The following CCDC88A variants were observed in gnomAD, a reference collection of about 807,000 sequenced individuals.
The protein encoded by CCDC88A is girdin.
In CCDC88A, 54 loss-of-function variants were observed where a neutral mutation model predicts 234.3. The observed-to-expected ratio is 0.23, with a 90% CI of 0.19 to 0.29. The LOEUF is 0.29. CCDC88A is among the 10% of genes least tolerant of loss of function. The pLI, the probability that CCDC88A is intolerant of heterozygous loss-of-function variation, is 1.00. For synonymous variants in CCDC88A, 753 were observed against 737.8 expected (o/e 1.02, Z -0.33); for missense variants, 1,832 against 2,123.4 (o/e 0.86, Z 2.70).
chr2:55,376,862 C>A (rs1163934340), intron 3 of CCDC88A, among the ~76,000 whole-genome samples: 1 of 152,088 alleles, frequency 6.6e-6, no homozygotes, highest in Non-Finnish European at 1.5e-5. Context: ...GACGGAGTCT[C>A]GCTCTGTCAC....
At chr2:55,299,505 C>T (rs985345986) in intron 29 of CCDC88A, among the ~76,000 whole-genome samples, 1 of 151,812 alleles carries the variant, frequency 6.6e-6, no homozygotes, top group Non-Finnish European at 1.5e-5. Flanking sequence ...AGTGTCCATG[C>T]GTCATAAGAA....
rs765431034 is a variant in CCDC88A, at chr2:55,344,472, T to C, written c.1084A>G (p.Met362Val). ...DNQVLLETKT[M>V]LEDQLEGTRA... is the part of the protein sequence containing the mutation. The stretch of plus-strand genomic sequence containing the variant: ...GTTCCCTCTAGTTGGTCTTCCAACA[T>C]GGTTTTTGTTTCTAATAAAACTTGA... Residue 362 changes from methionine to valine, a missense_variant, in exon 11 of 33, where the codon ATG (methionine) becomes GTG (valine). By Grantham distance (21) the Met-to-Val change is conservative. Transcript: ENST00000436346. The C allele has an allele frequency of 2.0e-5, 31 of 1,578,786 alleles. No homozygotes were observed. Among genetic ancestry groups the C allele is most frequent in the Non-Finnish European group, 2.7e-5 (31 of 1,156,918 alleles).
At chr2:55,349,734 TAA>T (rs34581861) in intron 8 of CCDC88A, 135 bp from the exon 9 acceptor site, 20 of 135,482 alleles carry the variant, frequency 1.5e-4, no homozygotes, top group Non-Finnish European at 2.2e-4. Context: ...ATCTAGAAGA[TAA>T]AAAAAAAAAG....
In CCDC88A at chr2:55,372,325, T is replaced by C. The variant is rs375546048; in HGVS notation, c.402+127A>G. 8 of 538,150 alleles carry C rather than the reference T, an allele frequency of 1.5e-5. No homozygotes were observed. The East Asian group carries it at 2.0e-4, about 14-fold the overall frequency. The allele number at this position is 538,150 out of a possible 1,614,324, so 33.3% of individuals were successfully genotyped here. ...ATCTCCTTAGGAGGTTATACAGTTA[T>C]TGAAAATTTTCTAACATGGACTTTG... On this transcript the variant is annotated intron_variant, in intron 5 of 32. Transcript: ENST00000436346.
intron 13 of CCDC88A, 147 bp from the exon 14 acceptor site, chr2:55,336,965 T>C: frequency 1.9e-6 from 1 of 534,218 alleles, no homozygotes; most frequent in Non-Finnish European, 3.2e-6. Context: ...GAAATTCAAG[T>C]AGCATTCCAT....
At chr2:55,367,070 C>T (rs1000992853) in intron 5 of CCDC88A, among the ~76,000 whole-genome samples, 2 of 152,032 alleles carry the variant, frequency 1.3e-5, no homozygotes, top group Admixed American at 6.6e-5. Flanking sequence ...TATTATTCAG[C>T]CTTAATAAGG....
At chr2:55,369,597 G>A (rs1480234556) in intron 5 of CCDC88A, among the ~76,000 whole-genome samples, 3 of 151,840 alleles carry the variant, frequency 2.0e-5, no homozygotes, top group Admixed American at 6.6e-5. Flanking sequence ...GACTACAAGC[G>A]CAAGCCACTA....
At chr2:55,375,509 A>ATATATG (rs1553423820) in intron 3 of CCDC88A, among the ~76,000 whole-genome samples, 1 of 15,614 alleles carries the variant, frequency 6.4e-5, no homozygotes, top group East Asian at 8.5e-4. Flanking sequence ...ATATATATAT[A>ATATATG]TATGTATGTA....
In CCDC88A at chr2:55,290,812, CAT is replaced by C. The variant is rs1223027804; in HGVS notation, c.*386_*387del. The C allele has an allele frequency of 1.3e-5, 2 of 152,498 alleles. No homozygotes were observed. Among genetic ancestry groups the C allele is most frequent in the Non-Finnish European group, 2.9e-5 (2 of 67,938 alleles). The allele number at this position is 152,498 out of a possible 1,614,324, so 9.4% of individuals were successfully genotyped here. A position where few individuals can be genotyped will look rare whatever the true frequency, so the allele number is the denominator to read the frequency against. ...ACACTTAGCAGAAGCATTAAGCAAA[CAT>C]GGATAAATTCATAAAACAAATGATG... On this transcript the variant is annotated 3_prime_UTR_variant, in exon 33 of 33. Coordinates refer to ENST00000436346, the MANE Select transcript of CCDC88A (RefSeq NM_001365480.1).
intron 2 of CCDC88A, among the ~76,000 whole-genome samples, chr2:55,406,898 T>C (rs1352544425): frequency 1.3e-5 from 2 of 152,168 alleles, no homozygotes; most frequent in Non-Finnish European, 2.9e-5. Flanking sequence ...TTTTCTAGCC[T>C]TCACCAGGAA....
At chr2:55,346,917 C>T (rs1574214190) in intron 9 of CCDC88A, among the ~76,000 whole-genome samples, 1 of 151,908 alleles carries the variant, frequency 6.6e-6, no homozygotes, top group Middle Eastern at 3.4e-3. Flanking sequence ...CATTTATGCT[C>T]ATATTTTTTA....
At chr2:55,392,698 G>A (rs1288208667) in intron 2 of CCDC88A, among the ~76,000 whole-genome samples, 1 of 152,112 alleles carries the variant, frequency 6.6e-6, no homozygotes, top group Non-Finnish European at 1.5e-5. Context: ...ATTCTAACAG[G>A]TTGTCTACTG....
chr2:55,291,411 A>C (rs1679437765), intron 32 of CCDC88A: 1 of 223,058 alleles, frequency 4.5e-6, no homozygotes, highest in South Asian at 1.7e-4. Flanking sequence ...AAACTAAAAA[A>C]GTAATTCCTA....
At chr2:55,338,813 G>C (rs1668105707) in intron 13 of CCDC88A, among the ~76,000 whole-genome samples, 1 of 152,274 alleles carries the variant, frequency 6.6e-6, no homozygotes, top group South Asian at 2.1e-4. Flanking sequence ...AAATGCAGTG[G>C]ATTGAAACAA....
intron 31 of CCDC88A, chr2:55,294,711 C>A: frequency 1.0e-6 from 1 of 991,818 alleles, no homozygotes; most frequent in Non-Finnish European, 1.2e-6. Context: ...GCAAATATGA[C>A]TTGGAAATGT....
intron 4 of CCDC88A, among the ~76,000 whole-genome samples, chr2:55,373,164 C>G (rs1673087679): frequency 6.6e-6 from 1 of 152,128 alleles, no homozygotes; most frequent in Non-Finnish European, 1.5e-5. Context: ...TTCTTTGGGC[C>G]AGATTTTCAC....
intron 5 of CCDC88A, among the ~76,000 whole-genome samples, chr2:55,367,434 T>G (rs1417018761): frequency 6.6e-6 from 1 of 152,078 alleles, no homozygotes. Context: ...AAACAATACT[T>G]GTATCAACAA....
rs1221779488 is a variant in CCDC88A at position 55,334,375 on chromosome 2, C to A, written c.2446G>T (p.Glu816Ter). 1 of 1,564,490 alleles carries A rather than the reference C, an allele frequency of 6.4e-7. No individual in the cohort carries two copies. ...GTCTCTTGCTCTAATGATTTATTTT[C>A]TTTTTCCAGCTGTTCTAGTCTTTTG... ...SSKRLEQLEK[E>*]NKSLEQETSQ... The change falls in exon 15 of 33, where the codon GAA (glutamate) becomes TAA (stop). Residue 816 changes from glutamate to a stop codon, truncating the protein, a stop_gained. Transcript: ENST00000436346. LOFTEE classifies it high-confidence loss of function. This position sits in a 1 kb window ranked among gnomAD's most constrained non-coding sequence, Gnocchi z 6.1.
chr2:55,303,418 G>A lies in CCDC88A; in HGVS notation c.4388-266C>T, dbSNP rs560898024. Among the ~76,000 whole-genome samples, 423 of 147,456 alleles carry A rather than the reference G, an allele frequency of 2.9e-3. 4 individuals carry two copies. The highest frequency in any genetic ancestry group is 3.7e-3 in the Non-Finnish European group (251 of 67,236). Reference sequence around the variant, plus strand: ...TTTTTTTTTTTTTTTTTGAGACGGAGTTTTGCTCTTGTTGCCCAGGCTGGA... The same window carrying A: ...TTTTTTTTTTTTTTTTTGAGACGGAATTTTGCTCTTGTTGCCCAGGCTGGA... On this transcript the variant is annotated intron_variant, in intron 25 of 32. Transcript: ENST00000436346.
Sources: gnomAD v4.1 joint callset for allele counts (sites outside exome capture counted in the v4.1 genomes callset) on GRCh38, gnomAD v4.1.1 for gene constraint, Gnocchi (gnomAD v3.1) non-coding constraint, MANE v1.5 for transcripts, NCBI Gene and HGNC (gene_info 2026-07-23, HGNC 2026-07-21) for gene names.